Variants in LCOR observed in about 807,000 individuals in gnomAD.
LCOR encodes ligand-dependent corepressor.
LCOR carries 14 observed loss-of-function variants against 64.4 expected under a neutral mutation model. The ratio of observed to expected loss-of-function variants is 0.22; its 90% confidence interval spans 0.14 to 0.34. LCOR has a LOEUF of 0.34. Among genes scored for constraint, LCOR ranks in the 10% least tolerant of loss-of-function variants. LCOR has a pLI of 1.00. For synonymous variants in LCOR, 643 were observed against 642.5 expected, an observed-to-expected ratio of 1.00 and a Z score of -0.01; for missense variants, 1,686 against 1,765.3, an observed-to-expected ratio of 0.96 and a Z score of 0.80.
At chr10:96,877,011 A>T (rs183929385) in intron 2 of LCOR, among the ~76,000 whole-genome samples, 1 of 152,122 alleles carries the variant, frequency 6.6e-6, no homozygotes, top group African/African-American at 2.4e-5. Context: ...TGTATATAAA[A>T]ATTGTTCAGT....
At chr10:96,879,271 T>C (rs1846221096) in intron 2 of LCOR, among the ~76,000 whole-genome samples, 1 of 152,212 alleles carries the variant, frequency 6.6e-6, no homozygotes, top group East Asian at 1.9e-4. Context: ...ACCACACAGC[T>C]AGAAAAGGTA....
At chr10:96,941,193 C>T (rs1313297114) in intron 4 of LCOR, among the ~76,000 whole-genome samples, 214 of 73,806 alleles carry the variant, frequency 2.9e-3, no homozygotes, top group African/African-American at 0.01. Context: ...GGGGGGCTGA[C>T]CCCCCCACCT....
At chr10:96,837,582 C>T (rs753230186) in intron 2 of LCOR, among the ~76,000 whole-genome samples, 1 of 152,302 alleles carries the variant, frequency 6.6e-6, no homozygotes, top group African/African-American at 2.4e-5. Context: ...ACCACCTTTA[C>T]AGGGACAATA....
chr10:96,991,360 T>G lies in LCOR; in HGVS notation c.*6226T>G, dbSNP rs1408558591. On this transcript the variant is annotated 3_prime_UTR_variant, in exon 8 of 8. Transcript: ENST00000421806. ...GTTGTGGGCCATGTGATCATATCTA[T>G]TAGGGTATGTAGTGAAAACTAAAAG... The G allele has an allele frequency of 1.3e-5, 2 of 152,194 alleles. No homozygotes were observed. Among genetic ancestry groups the G allele is most frequent in the Non-Finnish European group, 2.9e-5 (2 of 68,010 alleles). The allele number at this position is 152,194 out of a possible 1,614,324, so 9.4% of individuals were successfully genotyped here. A position where few individuals can be genotyped will look rare whatever the true frequency, so the allele number is the denominator to read the frequency against.
chr10:96,947,937 G>A (rs867379443), intron 5 of LCOR, among the ~76,000 whole-genome samples: 24 of 151,738 alleles, frequency 1.6e-4, no homozygotes, highest in African/African-American at 5.6e-4. Context: ...CAGCTAAATC[G>A]AATACACTTT....
chr10:96,875,985 T>C (rs1471359629), intron 2 of LCOR, among the ~76,000 whole-genome samples: 1 of 151,360 alleles, frequency 6.6e-6, no homozygotes, highest in Non-Finnish European at 1.5e-5. Context: ...TAGCTAATTA[T>C]ATCTAGCTGG....
At position 96,984,843 on chromosome 10, in the gene LCOR, A is replaced by G. The variant is rs761332465; in HGVS notation, c.4383A>G (p.Lys1461=). 7 of 1,614,042 alleles carry G rather than the reference A, an allele frequency of 4.3e-6. No homozygotes were observed. The South Asian group carries it at 7.7e-5, about 18-fold the overall frequency. Residue 1461 remains lysine, a synonymous_variant, in exon 8 of 8, where the codon AAA becomes AAG. Coordinates refer to ENST00000421806, the MANE Select transcript of LCOR (RefSeq NM_001346516.2). ...AAGAGAATAAAGTGAAGATCCCTAAAAAGTCCGCTGGGAAGAGCTGCCCTC... is the reference window on the plus strand; with the variant it reads ...AAGAGAATAAAGTGAAGATCCCTAAGAAGTCCGCTGGGAAGAGCTGCCCTC... The part of the protein sequence containing the change: ...SLKENKVKIP[K]KSAGKSCPPS...
chr10:96,868,150 C>G (rs1000302844), intron 2 of LCOR, among the ~76,000 whole-genome samples: 1 of 152,154 alleles, frequency 6.6e-6, no homozygotes, highest in Non-Finnish European at 1.5e-5. Flanking sequence ...TCCCAAAGTG[C>G]TGGGATTACA....
chr10:96,941,230 G>GT (rs1847463771), intron 4 of LCOR, among the ~76,000 whole-genome samples: 5 of 138,604 alleles, frequency 3.6e-5, no homozygotes, highest in East Asian at 2.1e-4. Context: ...GGCTGGCCGG[G>GT]CGGGGGGCTG....
intron 7 of LCOR, among the ~76,000 whole-genome samples, chr10:96,970,598 C>CATTTTATTTTATTTT (rs529698846): frequency 0.027 from 3,862 of 141,060 alleles, 73 homozygotes; most frequent in Middle Eastern, 0.097. Context: ...TCCTAACCAG[C>CATTTTATTTTATTTT]ATTTTATTTT....
chr10:96,917,882 A>G (rs115315031), intron 4 of LCOR, among the ~76,000 whole-genome samples: 4,240 of 152,278 alleles, frequency 0.028, 202 homozygotes, highest in African/African-American at 0.096. Flanking sequence ...AAAGTCAATT[A>G]GAAGTCAAGA....
rs758058212 is a variant in LCOR, at chr10:96,981,257, T to G, written c.797T>G (p.Phe266Cys). 5 of 1,056,116 alleles carry G rather than the reference T, an allele frequency of 4.7e-6. No homozygotes were observed. The allele number at this position is 1,056,116 out of a possible 1,614,324, so 65.4% of individuals were successfully genotyped here. Residue 266 changes from phenylalanine (F) to cysteine (C), a missense_variant, in exon 8 of 8, where the codon TTC (phenylalanine) becomes TGC (cysteine). Transcript: ENST00000421806. Reference sequence around the variant, plus strand: ...ATTAATAGCAGTTCAGTGGATAGTTTCACTCCGGGATACCTCACTGCATCT... The same window carrying G: ...ATTAATAGCAGTTCAGTGGATAGTTGCACTCCGGGATACCTCACTGCATCT... ...NSINSSSVDSFTPGYLTASNC... is the reference protein window; with the variant it reads ...NSINSSSVDSCTPGYLTASNC...
chr10:96,951,689 CTT>C (rs1026952143), intron 6 of LCOR, among the ~76,000 whole-genome samples: 2 of 151,908 alleles, frequency 1.3e-5, no homozygotes, highest in African/African-American at 4.8e-5. Context: ...AGATTTAGCT[CTT>C]GAGGGATTTG....
At chr10:96,913,710 C>T (rs1047545507) in intron 4 of LCOR, among the ~76,000 whole-genome samples, 3 of 152,030 alleles carry the variant, frequency 2.0e-5, no homozygotes, top group African/African-American at 7.2e-5. Flanking sequence ...TCACTTGGGG[C>T]CAGGAGTTTG....
intron 2 of LCOR, among the ~76,000 whole-genome samples, chr10:96,891,149 A>G (rs964747283): frequency 2.0e-5 from 3 of 152,086 alleles, no homozygotes; most frequent in Non-Finnish European, 4.4e-5. Flanking sequence ...CAATGAAGCC[A>G]TATGGTCCTG....
rs1248920281 is a variant in LCOR, at chr10:96,926,589, TC to T, written c.-183-17523del. 4.6e-5 allele frequency among the ~76,000 whole-genome samples: 7 copies of T among 152,280 alleles called. No individual in the cohort carries two copies. The East Asian group carries it at 7.7e-4, about 17-fold the overall frequency. On this transcript the variant is annotated intron_variant, in intron 4 of 7. Transcript: ENST00000421806. Reference sequence around the variant, plus strand: ...AGATAGTATTTATGTACAATAAAATTCATCCAAAGAGTACATTTGGATGAAT... The same window carrying T: ...AGATAGTATTTATGTACAATAAAATTATCCAAAGAGTACATTTGGATGAAT...
At chr10:96,956,049 T>TTG in intron 7 of LCOR, 1 of 1,469,706 alleles carries the variant, frequency 6.8e-7, no homozygotes, top group Non-Finnish European at 8.9e-7. Context: ...TTGCATTGAC[T>TTG]TGTGTGTACA....
rs1845581594 is a variant in LCOR, at chr10:96,843,830, A to G, written c.-330+10351A>G. 2.0e-5 allele frequency among the ~76,000 whole-genome samples: 3 copies of G among 152,164 alleles called. No homozygotes were observed. In the South Asian group the frequency reaches 6.2e-4, roughly 32 times the overall value. On this transcript the variant is annotated intron_variant, in intron 2 of 7. Coordinates refer to ENST00000421806, the MANE Select transcript of LCOR (RefSeq NM_001346516.2). Reference sequence around the variant, plus strand: ...TCCCCATCAAGTGGTTCATAAGTTTAAAGAAATAAATAAGACATTTAAATA... The same window carrying G: ...TCCCCATCAAGTGGTTCATAAGTTTGAAGAAATAAATAAGACATTTAAATA...
intron 5 of LCOR, among the ~76,000 whole-genome samples, chr10:96,946,361 G>C (rs1410337887): frequency 6.6e-6 from 1 of 151,992 alleles, no homozygotes; most frequent in Non-Finnish European, 1.5e-5. Flanking sequence ...TAGTTAAGTA[G>C]AATCAGAGAT....
Sources: allele counts gnomAD v4.1 joint callset (sites outside exome capture counted in the v4.1 genomes callset), GRCh38; gene constraint gnomAD v4.1.1; transcripts MANE v1.5; gene names NCBI Gene and HGNC (gene_info 2026-07-23, HGNC 2026-07-21).